The following CDH8 variants were observed in gnomAD, a reference collection of about 807,000 sequenced individuals.
CDH8 encodes cadherin 8, also known as cadherin-8.
A neutral mutation model predicts 68.1 loss-of-function variants in CDH8; 17 were observed. The observed-to-expected ratio is 0.25, with a 90% confidence interval of 0.17 to 0.37. The LOEUF is 0.37. Ranked by LOEUF, CDH8 falls within the 10% of genes least tolerant of loss-of-function variation. The pLI is 1.00. For missense variants in CDH8, 763 were observed against 999.3 expected, an observed-to-expected ratio of 0.76 and a Z score of 3.19; for synonymous variants, 372 against 365.1, an observed-to-expected ratio of 1.02 and a Z score of -0.21.
At chr16:62,034,108 A>G (rs938342376) in intron 1 of CDH8, among the ~76,000 whole-genome samples, 1 of 152,088 alleles carries the variant, frequency 6.6e-6, no homozygotes, top group Non-Finnish European at 1.5e-5. Context: ...TGTAACCCTA[A>G]GAGAACATCC....
At chr16:61,963,220 C>CA (rs1367535264) in intron 2 of CDH8, among the ~76,000 whole-genome samples, 1 of 152,028 alleles carries the variant, frequency 6.6e-6, no homozygotes, top group South Asian at 2.1e-4. Flanking sequence ...AGGGGGGAGA[C>CA]AAAAAACTGG....
intron 2 of CDH8, among the ~76,000 whole-genome samples, chr16:61,945,101 T>G (rs1197664224): frequency 1.3e-5 from 2 of 152,200 alleles, no homozygotes; most frequent in African/African-American, 4.8e-5. Context: ...ATTTGGCTTT[T>G]GAGTCTGACA....
intron 2 of CDH8, among the ~76,000 whole-genome samples, chr16:62,018,073 C>G (rs1348631987): frequency 6.6e-6 from 1 of 152,156 alleles, no homozygotes; most frequent in Non-Finnish European, 1.5e-5. Flanking sequence ...ATTTTCTTTA[C>G]TCTTACAAAT....
In CDH8 at chr16:61,721,579, T is replaced by G. The variant is rs138477526; in HGVS notation, c.1536+5515A>C. 4.0e-4 allele frequency among the ~76,000 whole-genome samples: 61 copies of G among 150,980 alleles called. 1 individual carries two copies. Among genetic ancestry groups the G allele is most frequent in the African/African-American group, 1.2e-3 (50 of 41,424 alleles). On this transcript the variant is annotated intron_variant, in intron 9 of 11. Coordinates refer to ENST00000577390, the MANE Select transcript of CDH8 (RefSeq NM_001796.5). ...CTTTACTTCTCTTATTAAGCTTTAT[T>G]TCTTTTCATTTAAGGTTTCATGAAA...
chr16:61,654,853 C>G (rs13331324), intron 11 of CDH8, among the ~76,000 whole-genome samples: 1 of 152,082 alleles, frequency 6.6e-6, no homozygotes, highest in Admixed American at 6.6e-5. Flanking sequence ...TAAGATACGA[C>G]TCTCATGTTT....
In CDH8 at chr16:61,653,847, C is replaced by T; in HGVS notation, c.2161G>A (p.Val721Ile). Residue 721 changes from valine to isoleucine, a missense_variant, in exon 12 of 12, where the codon GTC (valine) becomes ATC (isoleucine). This residue lies in a region of CDH8 where 397 missense variants were observed against 436.2 expected (regional missense o/e 0.91). Transcript: ENST00000577390. The part of the protein sequence containing the change: ...GLAPVPNGVD[V>I]DEFINVRLHE... ...AGCCTTACATTTATAAATTCATCGACATCAACACCATTTGGAACTGGAGCA... is the reference window on the plus strand; with the variant it reads ...AGCCTTACATTTATAAATTCATCGATATCAACACCATTTGGAACTGGAGCA... The T allele has an allele frequency of 6.2e-7, 1 of 1,614,160 alleles. No individual in the cohort carries two copies. Among genetic ancestry groups the T allele is most frequent in the South Asian group, 1.1e-5 (1 of 91,084 alleles).
In CDH8 at chr16:61,768,314, T is replaced by TTCTCTCTCTCTCTCTCTC. The variant is rs1206629963; in HGVS notation, c.1414+21014_1414+21031dup. 8.7e-4 allele frequency among the ~76,000 whole-genome samples: 15 copies of TTCTCTCTCTCTCTCTCTC among 17,204 alleles called. 2 individuals are homozygous for TTCTCTCTCTCTCTCTCTC. Among genetic ancestry groups the TTCTCTCTCTCTCTCTCTC allele is most frequent in the African/African-American group, 1.5e-3 (7 of 4,710 alleles). The allele number at this position is 17,204 out of a possible 152,430, so 11.3% of individuals were successfully genotyped here. On this transcript the variant is annotated intron_variant, in intron 8 of 11. Transcript: ENST00000577390. ...AGGCTCTCTCTCTGTGTCTCTCCCT[T>TTCTCTCTCTCTCTCTCTC]TCTCTCTCTCTCTCTCTCTCTCTCT... is the stretch of plus-strand genomic sequence containing the variant.
At chr16:61,755,145 T>C (rs1356803547) in intron 8 of CDH8, among the ~76,000 whole-genome samples, 5 of 152,188 alleles carry the variant, frequency 3.3e-5, no homozygotes, top group African/African-American at 1.2e-4. Flanking sequence ...TTAAGTCAGT[T>C]TGCAAGAGTT....
chr16:61,989,652 T>C (rs1965684709), intron 2 of CDH8, among the ~76,000 whole-genome samples: 2 of 152,196 alleles, frequency 1.3e-5, no homozygotes, highest in Non-Finnish European at 2.9e-5. Flanking sequence ...TTAGCTCCTA[T>C]GATTGATCAG....
chr16:61,716,620 TAA>T (rs1255594051), intron 9 of CDH8, among the ~76,000 whole-genome samples: 1 of 151,668 alleles, frequency 6.6e-6, no homozygotes, highest in Non-Finnish European at 1.5e-5. Flanking sequence ...CATAATTCAT[TAA>T]GAGGCTTTAT....
At chr16:61,961,358 G>C (rs1474246796) in intron 2 of CDH8, among the ~76,000 whole-genome samples, 1 of 151,804 alleles carries the variant, frequency 6.6e-6, no homozygotes, top group Non-Finnish European at 1.5e-5. Context: ...TTCGCCCACT[G>C]AACATCTCCA....
At chr16:62,025,454 T>C (rs1902176531) in intron 1 of CDH8, among the ~76,000 whole-genome samples, 1 of 152,120 alleles carries the variant, frequency 6.6e-6, no homozygotes. Flanking sequence ...CTGAGTGCTA[T>C]TCCCGTGCAA....
rs543473334 is a variant in CDH8 at position 61,702,047 on chromosome 16, A to C, written c.1654+11794T>G. 1.5e-4 allele frequency among the ~76,000 whole-genome samples: 23 copies of C among 152,258 alleles called. No homozygotes were observed. The East Asian group carries it at 4.4e-3, about 29-fold the overall frequency. On this transcript the variant is annotated intron_variant, in intron 10 of 11. Coordinates refer to ENST00000577390, the MANE Select transcript of CDH8 (RefSeq NM_001796.5). ...GAGTCAGGACTATTAGCCCAATACAAGAGACACTGTTGTCTTCCTAAGAAT... is the reference window on the plus strand; with the variant it reads ...GAGTCAGGACTATTAGCCCAATACACGAGACACTGTTGTCTTCCTAAGAAT...
chr16:61,884,094 G>A (rs1190200119), intron 3 of CDH8, among the ~76,000 whole-genome samples: 1 of 152,132 alleles, frequency 6.6e-6, no homozygotes, highest in Non-Finnish European at 1.5e-5. Flanking sequence ...AAGAGATAAT[G>A]TTGGTCATAC....
At chr16:61,992,230 G>A (rs8059062) in intron 2 of CDH8, among the ~76,000 whole-genome samples, 4,023 of 151,850 alleles carry the variant, frequency 0.026, 179 homozygotes, top group African/African-American at 0.091. Context: ...AGAAAATGTG[G>A]CACATGTACA....
At position 61,649,592 on chromosome 16, in the gene CDH8, T is replaced by A. The variant is rs1444225241; in HGVS notation, c.*4016A>T. ...CAGTCATGCTCAGCCTTTCCGACAG[T>A]GCCAGTGATGGGATTTTTTTGAAAT... On this transcript the variant is annotated 3_prime_UTR_variant, in exon 12 of 12. Coordinates refer to ENST00000577390, the MANE Select transcript of CDH8 (RefSeq NM_001796.5). 6.6e-6 allele frequency: 1 copy of A among 151,960 alleles called. No homozygotes were observed. The highest frequency in any genetic ancestry group is 1.5e-5 in the Non-Finnish European group (1 of 67,980). 9.4% of individuals were successfully genotyped at this position (151,960 alleles called of 1,614,324 possible). A position where few individuals can be genotyped will look rare whatever the true frequency, so the allele number is the denominator to read the frequency against.
chr16:61,747,425 T>C (rs1193689435), intron 8 of CDH8, among the ~76,000 whole-genome samples: 1 of 152,024 alleles, frequency 6.6e-6, no homozygotes, highest in Non-Finnish European at 1.5e-5. Context: ...ATACTCATCA[T>C]GTTCACTTTT....
intron 5 of CDH8, among the ~76,000 whole-genome samples, chr16:61,824,799 A>T (rs960331044): frequency 6.6e-6 from 1 of 151,960 alleles, no homozygotes; most frequent in South Asian, 2.1e-4. Flanking sequence ...TCTAATTCTT[A>T]CTTACTATAC....
intron 2 of CDH8, among the ~76,000 whole-genome samples, chr16:62,005,081 A>G (rs1466160647): frequency 6.6e-6 from 1 of 152,162 alleles, no homozygotes; most frequent in African/African-American, 2.4e-5. Context: ...CTTCCCTATC[A>G]CATCTCAAGG....
Sources: gnomAD v4.1 joint callset for allele counts (sites outside exome capture counted in the v4.1 genomes callset) on GRCh38, gnomAD v4.1.1 for gene constraint, gnomAD v4.1.1 regional missense constraint, MANE v1.5 for transcripts, NCBI Gene and HGNC (gene_info 2026-07-23, HGNC 2026-07-21) for gene names.